Variants in ITCH observed in about 807,000 individuals in gnomAD.
ITCH encodes the protein E3 ubiquitin-protein ligase Itchy homolog.
In ITCH, 28 loss-of-function variants were observed where a neutral mutation model predicts 126.8. The observed-to-expected ratio is 0.22, with a 90% CI of 0.16 to 0.30. ITCH has a LOEUF of 0.30. Among genes scored for constraint, ITCH ranks in the 10% least tolerant of loss-of-function variants. The pLI is 1.00. For missense variants in ITCH, 631 were observed against 1,032.4 expected (o/e 0.61, Z 5.33); for synonymous variants, 342 against 340.0 (o/e 1.01, Z -0.06).
chr20:34,415,861 C>T (rs1601846211), intron 6 of ITCH, among the ~76,000 whole-genome samples: 1 of 152,092 alleles, frequency 6.6e-6, no homozygotes, highest in Admixed American at 6.6e-5. Context: ...CGGTGGCTCA[C>T]GCCTGTAATC....
chr20:34,412,785 A>G (rs1180318322), intron 5 of ITCH, 146 bp downstream of exon 5: 1 of 665,276 alleles, frequency 1.5e-6, no homozygotes, highest in East Asian at 2.8e-5. Context: ...AGAATTTTAC[A>G]CTATTGAAAG....
At chr20:34,410,752 T>A (rs1287394492) in intron 4 of ITCH, among the ~76,000 whole-genome samples, 1 of 152,228 alleles carries the variant, frequency 6.6e-6, no homozygotes, top group African/African-American at 2.4e-5. Flanking sequence ...CCAGAGATGT[T>A]CAGTTGAATT....
At chr20:34,417,549 G>A (rs1360349276) in intron 6 of ITCH, among the ~76,000 whole-genome samples, 1 of 151,570 alleles carries the variant, frequency 6.6e-6, no homozygotes. Context: ...ACAGGCATGC[G>A]CCACCATGCT....
intron 23 of ITCH, among the ~76,000 whole-genome samples, chr20:34,501,777 C>CA (rs11480340): frequency 0.6 from 62,378 of 104,228 alleles, 16,772 homozygotes; most frequent in Non-Finnish European, 0.66. Flanking sequence ...CTCCATCTCT[C>CA]AAAAAAAAAA....
At chr20:34,397,401 A>T (rs1242551470) in intron 3 of ITCH, among the ~76,000 whole-genome samples, 4 of 152,198 alleles carry the variant, frequency 2.6e-5, no homozygotes, top group Admixed American at 6.5e-5. Flanking sequence ...TATTTCTATC[A>T]CACAATGAAA....
chr20:34,445,582 T>A, intron 11 of ITCH, 121 bp downstream of exon 11: 1 of 884,726 alleles, frequency 1.1e-6, no homozygotes, highest in Non-Finnish European at 1.8e-6. Flanking sequence ...TTGTTGCTGT[T>A]AGTAGGTATT....
rs1037517973 is a variant in ITCH at position 34,489,465 on chromosome 20, A to G, written c.2214+79A>G. On this transcript the variant is annotated intron_variant, in intron 21 of 24. Coordinates refer to ENST00000374864, the MANE Select transcript of ITCH (RefSeq NM_031483.7). ...TTGTCTGCTTTTAACTCACTTTCCC[A>G]TCTTTCCTGTTACTGTAATATTTTT... The G allele has an allele frequency of 3.0e-6, 4 of 1,341,412 alleles. No homozygotes were observed. The Admixed American group carries it at 5.1e-5, about 17-fold the overall frequency. The allele number at this position is 1,341,412 out of a possible 1,614,324, so 83.1% of individuals were successfully genotyped here.
chr20:34,371,001 TACTAA>T (rs1458164610), intron 2 of ITCH, among the ~76,000 whole-genome samples: 125 of 151,936 alleles, frequency 8.2e-4, no homozygotes, highest in African/African-American at 2.9e-3. Context: ...ACCCCGTCTC[TACTAA>T]AAGTACAAAA....
At chr20:34,406,601 C>T (rs1472531994) in intron 3 of ITCH, among the ~76,000 whole-genome samples, 1 of 150,236 alleles carries the variant, frequency 6.7e-6, no homozygotes, top group Non-Finnish European at 1.5e-5. Flanking sequence ...GTGGCGCAAT[C>T]GCGGCTCACT....
intron 11 of ITCH, among the ~76,000 whole-genome samples, chr20:34,446,913 A>G (rs1346381724): frequency 6.6e-6 from 1 of 152,230 alleles, no homozygotes; most frequent in Non-Finnish European, 1.5e-5. Context: ...TACAGATATA[A>G]AATTGCCTCA....
At chr20:34,410,856 A>G (rs944944748) in intron 4 of ITCH, among the ~76,000 whole-genome samples, 3 of 152,180 alleles carry the variant, frequency 2.0e-5, no homozygotes, top group Non-Finnish European at 1.5e-5. Context: ...CTTCTTAGTG[A>G]TTTAAAAGTT....
intron 23 of ITCH, among the ~76,000 whole-genome samples, chr20:34,492,865 CAT>C (rs570363231): frequency 2.0e-4 from 31 of 152,214 alleles, no homozygotes; most frequent in East Asian, 3.8e-4. Context: ...ATTTGCCAAA[CAT>C]GTGTGTCTTA....
intron 7 of ITCH, among the ~76,000 whole-genome samples, chr20:34,429,484 A>T (rs963723042): frequency 2.0e-5 from 3 of 152,204 alleles, no homozygotes; most frequent in Non-Finnish European, 4.4e-5. Context: ...GGGACTCAAG[A>T]TTTGCATTTC....
At chr20:34,502,883 G>A (rs1003957653) in intron 23 of ITCH, among the ~76,000 whole-genome samples, 1 of 151,980 alleles carries the variant, frequency 6.6e-6, no homozygotes, top group Non-Finnish European at 1.5e-5. Context: ...GTTGGGTGTG[G>A]TGGTGCACAT....
intron 3 of ITCH, among the ~76,000 whole-genome samples, chr20:34,403,849 G>A (rs2038965032): frequency 6.6e-6 from 1 of 152,116 alleles, no homozygotes; most frequent in African/African-American, 2.4e-5. Flanking sequence ...CATGTTTAGA[G>A]GAATGAAAGT....
At chr20:34,502,477 G>A (rs948164828) in intron 23 of ITCH, among the ~76,000 whole-genome samples, 8 of 151,718 alleles carry the variant, frequency 5.3e-5, no homozygotes, top group African/African-American at 1.2e-4. Flanking sequence ...TTGGGAGGCC[G>A]AGACGGTTGG....
At chr20:34,384,574 C>CAAATTCTCAATTATTTG (rs1260007298) in intron 2 of ITCH, among the ~76,000 whole-genome samples, 4 of 152,008 alleles carry the variant, frequency 2.6e-5, no homozygotes, top group Middle Eastern at 3.4e-3. Flanking sequence ...CCGCCGTGCC[C>CAAATTCTCAATTATTTG]AGCTGCCTGT....
chr20:34,469,478 C>CTCTGTCTCT (rs1987413087), intron 14 of ITCH, among the ~76,000 whole-genome samples: 1 of 151,976 alleles, frequency 6.6e-6, no homozygotes, highest in African/African-American at 2.4e-5. Context: ...TTAGTAGAGA[C>CTCTGTCTCT]AGAGTTTCAA....
chr20:34,425,284 A>G (rs1477246395), intron 7 of ITCH, among the ~76,000 whole-genome samples: 3 of 152,310 alleles, frequency 2.0e-5, no homozygotes, highest in Admixed American at 1.3e-4. Flanking sequence ...CACGGACACA[A>G]TGCACTGCAG....
Sources: gnomAD v4.1 joint callset for allele counts (sites outside exome capture counted in the v4.1 genomes callset) on GRCh38, gnomAD v4.1.1 for gene constraint, MANE v1.5 for transcripts, NCBI Gene and HGNC (gene_info 2026-07-23, HGNC 2026-07-21) for gene names.